The following SYNE2 variants were observed in gnomAD, a reference collection of about 807,000 sequenced individuals.
The protein encoded by SYNE2 is nesprin-2.
In SYNE2, 431 loss-of-function variants were observed where a neutral mutation model predicts 856.3. The ratio of observed to expected loss-of-function variants is 0.50; its 90% CI spans 0.47 to 0.55. The LOEUF is 0.55. SYNE2 is among the 20% of genes least tolerant of loss of function. The pLI is 0.00. For missense variants in SYNE2, 8,129 were observed against 8,023.2 expected (o/e 1.01, Z -0.50); for synonymous variants, 2,923 against 2,872.3 (o/e 1.02, Z -0.56).
At chr14:63,873,727 T>A (rs2094645047) in intron 1 of SYNE2, 5 of 152,172 alleles carry the variant, frequency 3.3e-5, no homozygotes, top group Admixed American at 3.3e-4. Flanking sequence ...AGATTCTCAT[T>A]TTTTTCTCCA....
In SYNE2 at chr14:63,967,852, T is replaced by C; in HGVS notation, c.1128+6T>C. ...GGGATGGCCTCGATCACCAGGTGAC[T>C]GTTTGTGTTGATTAGAAGAATATTT... On this transcript the variant is annotated splice_donor_region_variant and intron_variant, in intron 11 of 115. Coordinates refer to ENST00000555002, the MANE Select transcript of SYNE2 (RefSeq NM_182914.3). The C allele has an allele frequency of 8.1e-6, 13 of 1,613,730 alleles. No homozygotes were observed. Among genetic ancestry groups the C allele is most frequent in the Non-Finnish European group, 1.1e-5 (13 of 1,179,772 alleles).
intron 27 of SYNE2, among the ~76,000 whole-genome samples, chr14:63,999,908 G>A (rs902110552): frequency 1.3e-5 from 2 of 152,128 alleles, no homozygotes; most frequent in African/African-American, 4.8e-5. Context: ...CTCAAGTGAT[G>A]GATTTAGCAT....
In SYNE2 at chr14:64,078,477, A is replaced by T. The variant is rs751807241; in HGVS notation, c.11034A>T (p.Glu3678Asp). 2 of 1,614,070 alleles carry T rather than the reference A, an allele frequency of 1.2e-6. No individual in the cohort carries two copies. The highest frequency in any genetic ancestry group is 1.7e-6 in the Non-Finnish European group (2 of 1,179,954). ...LEDIDEKISN[E>D]VLKSSPSYAM... ...TGTCTCTTTCACAGATTAGCAATGA[A>T]GTCTTAAAAAGCTCACCATCATATG... Residue 3678 changes from glutamate (E) to aspartate (D), a missense_variant, in exon 55 of 116, where the codon GAA becomes GAT. Physicochemically the swap from Glu to Asp is conservative, Grantham distance 45. Around this residue, in one of 3 missense-constraint regions of SYNE2, gnomAD observed 5,410 missense variants for 5,284.8 expected, o/e 1.02. Coordinates refer to ENST00000555002, the MANE Select transcript of SYNE2 (RefSeq NM_182914.3).
chr14:63,871,407 C>G (rs531793825), intron 1 of SYNE2, among the ~76,000 whole-genome samples: 1 of 152,002 alleles, frequency 6.6e-6, no homozygotes, highest in East Asian at 1.9e-4. Flanking sequence ...GGGGTTTCTC[C>G]ATGTTGGTCA....
At chr14:63,808,803 G>A (rs8005831) in intron 1 of SYNE2, 94,686 of 152,124 alleles carry the variant, frequency 0.62, 30,120 homozygotes, top group South Asian at 0.77. Context: ...TGGGCGGATC[G>A]CCTGAGGTCA....
rs572731127 is a variant in SYNE2, at chr14:63,894,158, G to C, written c.-51-14940G>C. On this transcript the variant is annotated intron_variant, in intron 1 of 115. Transcript: ENST00000555002. Reference sequence around the variant, plus strand: ...TTAACAGCTTTTTGAAGATGCATGTGATGTTTAAGATGGACTTTTTCTTTT... The same window carrying C: ...TTAACAGCTTTTTGAAGATGCATGTCATGTTTAAGATGGACTTTTTCTTTT... Among the ~76,000 whole-genome samples, 5 of 151,354 alleles carry C rather than the reference G, an allele frequency of 3.3e-5. No individual in the cohort carries two copies. In the South Asian group the frequency reaches 1.0e-3, roughly 32 times the overall value.
At position 64,050,520 on chromosome 14, in the gene SYNE2, A is replaced by G. The variant is rs566662164; in HGVS notation, c.7643+644A>G. Reference sequence around the variant, plus strand: ...TATGGAATTCAGTATTATTTTTGTCAAGAATTCTAAACTATGTGGGCAGGG... The same window carrying G: ...TATGGAATTCAGTATTATTTTTGTCGAGAATTCTAAACTATGTGGGCAGGG... On this transcript the variant is annotated intron_variant, in intron 47 of 115. Transcript: ENST00000555002. Among the ~76,000 whole-genome samples, 87 of 152,312 alleles carry G rather than the reference A, an allele frequency of 5.7e-4. 2 individuals are homozygous for G. Among genetic ancestry groups the G allele is most frequent in the Non-Finnish European group, 1.0e-3 (69 of 68,032 alleles).
chr14:63,948,804 A>ATATGTATGTGTGTGTGTGTG, intron 6 of SYNE2, among the ~76,000 whole-genome samples: 2 of 110,872 alleles, frequency 1.8e-5, no homozygotes. Context: ...ATATATATAT[A>ATATGTATGTGTGTGTGTGTG]TATATATATA....
At chr14:63,990,903 T>C (rs774856514) in intron 20 of SYNE2, 39 bp from the exon 21 acceptor site, 2 of 1,553,222 alleles carry the variant, frequency 1.3e-6, no homozygotes, top group Admixed American at 3.3e-5. Context: ...TATTAAGAAT[T>C]GGTCCCCGTG....
intron 67 of SYNE2, 55 bp from the exon 68 acceptor site, chr14:64,120,872 A>G: frequency 6.3e-7 from 1 of 1,592,322 alleles, no homozygotes; most frequent in Non-Finnish European, 8.6e-7. Context: ...GAATTGAGAT[A>G]AAGTGGAGTT....
chr14:64,014,433 GTTTGT>G (rs916222862), intron 32 of SYNE2, among the ~76,000 whole-genome samples: 3 of 152,084 alleles, frequency 2.0e-5, no homozygotes, highest in Non-Finnish European at 4.4e-5. Context: ...TTTTTTGTTT[GTTTGT>G]TTGTTTTTGA....
intron 78 of SYNE2, among the ~76,000 whole-genome samples, chr14:64,134,717 C>T (rs1163689550): frequency 6.6e-6 from 1 of 152,108 alleles, no homozygotes; most frequent in Non-Finnish European, 1.5e-5. Flanking sequence ...TGGCTCACAC[C>T]TGTAATCCTA....
intron 1 of SYNE2, among the ~76,000 whole-genome samples, chr14:63,859,100 G>A (rs1892776854): frequency 6.6e-6 from 1 of 151,972 alleles, no homozygotes; most frequent in African/African-American, 2.4e-5. Flanking sequence ...AGGGACGAGG[G>A]GCATTTGTTC....
At chr14:63,795,894 T>C (rs888185671) in intron 1 of SYNE2, among the ~76,000 whole-genome samples, 2 of 152,220 alleles carry the variant, frequency 1.3e-5, no homozygotes, top group Non-Finnish European at 2.9e-5. Flanking sequence ...AGACTACTTA[T>C]TTTATAATTG....
At chr14:64,045,862 A>G (rs1690815525) in intron 45 of SYNE2, among the ~76,000 whole-genome samples, 1 of 152,232 alleles carries the variant, frequency 6.6e-6, no homozygotes, top group African/African-American at 2.4e-5. Flanking sequence ...TTTTACAGTT[A>G]CAGAGAAGTT....
intron 10 of SYNE2, among the ~76,000 whole-genome samples, chr14:63,966,423 TGAGGTGG>T (rs1318004882): frequency 2.0e-5 from 3 of 151,880 alleles, no homozygotes; most frequent in African/African-American, 7.3e-5. Flanking sequence ...CTCGGAAGAC[TGAGGTGG>T]GAGGTTCACT....
chr14:63,877,604 C>G (rs889630473), intron 1 of SYNE2, among the ~76,000 whole-genome samples: 13 of 152,218 alleles, frequency 8.5e-5, no homozygotes, highest in Admixed American at 1.3e-4. Context: ...AAGATCTACA[C>G]TGTTGTAAAG....
At chr14:64,084,048 C>T (rs2097542619) in intron 57 of SYNE2, among the ~76,000 whole-genome samples, 2 of 152,038 alleles carry the variant, frequency 1.3e-5, no homozygotes, top group Non-Finnish European at 2.9e-5. Flanking sequence ...CCTCAGCTTC[C>T]CCAGTAGCTG....
chr14:64,014,739 A>G (rs1418659577), intron 32 of SYNE2, among the ~76,000 whole-genome samples: 5 of 151,682 alleles, frequency 3.3e-5, no homozygotes, highest in African/African-American at 9.7e-5. Flanking sequence ...TTTATTTTTT[A>G]AGGAAACTGT....
Sources: gnomAD v4.1 joint callset for allele counts (sites outside exome capture counted in the v4.1 genomes callset) on GRCh38, gnomAD v4.1.1 for gene constraint, gnomAD v4.1.1 regional missense constraint, MANE v1.5 for transcripts, NCBI Gene and HGNC (gene_info 2026-07-23, HGNC 2026-07-21) for gene names.